GM2A: variants seen among roughly 807,000 people sequenced by gnomAD.
The protein encoded by GM2A is ganglioside GM2 activator.
In GM2A, 7 loss-of-function variants were observed where a neutral mutation model predicts 12.9. The ratio of observed to expected loss-of-function variants is 0.54; its 90% confidence interval spans 0.31 to 1.02. The LOEUF is 1.02. Ranked by LOEUF, GM2A falls within the 50% of genes least tolerant of loss-of-function variation. The pLI is 0.05. For synonymous variants in GM2A, 101 were observed against 96.0 expected, an observed-to-expected ratio of 1.05 and a Z score of -0.30; for missense variants, 246 against 241.0, an observed-to-expected ratio of 1.02 and a Z score of -0.14.
At position 151,268,120 on chromosome 5, in the gene GM2A, G is replaced by C. The variant is rs140405440; in HGVS notation, c.*669G>C. The C allele has an allele frequency of 4.6e-5, 45 of 986,126 alleles. No individual in the cohort carries two copies. The highest frequency in any genetic ancestry group is 1.9e-4 in the South Asian group (4 of 21,448). 61.1% of individuals were successfully genotyped at this position (986,126 alleles called of 1,614,324 possible). A position where few individuals can be genotyped will look rare whatever the true frequency, so the allele number is the denominator to read the frequency against. On this transcript the variant is annotated 3_prime_UTR_variant, in exon 4 of 4. Transcript: ENST00000357164. Reference sequence around the variant, plus strand: ...GAGACTTAAATGACTGATAAGAACCGTGAGAAACATGTTGCTTCCAGGCTT... The same window carrying C: ...GAGACTTAAATGACTGATAAGAACCCTGAGAAACATGTTGCTTCCAGGCTT...
In GM2A at chr5:151,269,792, G is replaced by A. The variant is rs979489782; in HGVS notation, c.*2341G>A. 5 of 186,444 alleles carry A rather than the reference G, an allele frequency of 2.7e-5. No homozygotes were observed. The highest frequency in any genetic ancestry group is 7.1e-5 in the African/African-American group (3 of 42,340). The allele number at this position is 186,444 out of a possible 1,614,324, so 11.5% of individuals were successfully genotyped here. ...AAATATCCCTAAGGAAAAATCCACCGTGGTACATTCAGTCCTCTCACCGAG... is the reference window on the plus strand; with the variant it reads ...AAATATCCCTAAGGAAAAATCCACCATGGTACATTCAGTCCTCTCACCGAG... On this transcript the variant is annotated 3_prime_UTR_variant, in exon 4 of 4. Transcript: ENST00000357164.
chr5:151,265,595 A>G (rs1422819390), intron 2 of GM2A, among the ~76,000 whole-genome samples: 1 of 152,224 alleles, frequency 6.6e-6, no homozygotes, highest in Non-Finnish European at 1.5e-5. Flanking sequence ...GGTGATGGAC[A>G]TGGTTCTAAA....
In GM2A at chr5:151,267,686, G is replaced by C; in HGVS notation, c.*235G>C. 2 of 1,459,792 alleles carry C rather than the reference G, an allele frequency of 1.4e-6. No homozygotes were observed. Among genetic ancestry groups the C allele is most frequent in the Non-Finnish European group, 1.8e-6 (2 of 1,099,312 alleles). 90.4% of individuals were successfully genotyped at this position (1,459,792 alleles called of 1,614,324 possible). On this transcript the variant is annotated 3_prime_UTR_variant, in exon 4 of 4. Transcript: ENST00000357164. ...TCTTGATAGCCCAGGGCATCTGCTGGGCTGACCACGTTACTCATCCCCGTT... is the reference window on the plus strand; with the variant it reads ...TCTTGATAGCCCAGGGCATCTGCTGCGCTGACCACGTTACTCATCCCCGTT...
rs1048719 is a variant in GM2A at position 151,253,271 on chromosome 5, G to A, written c.55G>A (p.Ala19Thr). 0.04 allele frequency: 64,833 copies of A among 1,613,552 alleles called. 2,409 individuals carry two copies. Among genetic ancestry groups the A allele is most frequent in the East Asian group, 0.2 (8,795 of 44,852 alleles). ...LLIALGLLLA[A>T]PAQAHLKKPS... The stretch of plus-strand genomic sequence containing the variant: ...GATCGCCCTGGGCTTGCTTCTCGCG[G>A]CCCCTGCGCAAGCCCACCTGAAAAA... Residue 19 changes from alanine to threonine, a missense_variant, in exon 1 of 4, where the codon GCC (alanine) becomes ACC (threonine). Transcript: ENST00000357164.
intron 2 of GM2A, 27 bp downstream of exon 2, chr5:151,259,943 G>C (rs1192780851): frequency 6.3e-7 from 1 of 1,600,000 alleles, no homozygotes; most frequent in African/African-American, 1.3e-5. Flanking sequence ...GTGGAGAAGG[G>C]GAGGTGCGAG....
rs74876147 is a variant in GM2A at position 151,258,185 on chromosome 5, A to T, written c.82-1570A>T. Among the ~76,000 whole-genome samples, 1,121 of 152,362 alleles carry T rather than the reference A, an allele frequency of 7.4e-3. 6 individuals carry two copies. The highest frequency in any genetic ancestry group is 0.013 in the Non-Finnish European group (881 of 68,030). Reference sequence around the variant, plus strand: ...TTCCTAAAAGCTCAGGTAAAGGGGAAGTTTATTACAGAGCTGCAAGACATC... The same window carrying T: ...TTCCTAAAAGCTCAGGTAAAGGGGATGTTTATTACAGAGCTGCAAGACATC... On this transcript the variant is annotated intron_variant, in intron 1 of 3. Transcript: ENST00000357164.
intron 2 of GM2A, among the ~76,000 whole-genome samples, chr5:151,265,086 G>A (rs1175267730): frequency 6.6e-6 from 1 of 152,148 alleles, no homozygotes; most frequent in Non-Finnish European, 1.5e-5. Context: ...TTCCAACCTA[G>A]GCCCTCTGAC....
Position 151,269,994 on chromosome 5 carries a change from C to G in GM2A, c.*2543C>G. ...CGTTTCCCTCTGTTGGATCTTCCAG[C>G]CTTATTCTCAACAGTTCATTTTTAG... On this transcript the variant is annotated 3_prime_UTR_variant, in exon 4 of 4. Transcript: ENST00000357164. The G allele has an allele frequency of 8.2e-7, 1 of 1,226,200 alleles. No individual in the cohort carries two copies. 76.0% of individuals were successfully genotyped at this position (1,226,200 alleles called of 1,614,324 possible).
At chr5:151,253,736 C>T (rs1481011787) in intron 1 of GM2A, among the ~76,000 whole-genome samples, 1 of 152,146 alleles carries the variant, frequency 6.6e-6, no homozygotes, top group Admixed American at 6.5e-5. Flanking sequence ...GAGAGCTTTT[C>T]CAGGCCAGAG....
intron 1 of GM2A, among the ~76,000 whole-genome samples, chr5:151,256,067 A>T (rs1753679698): frequency 6.6e-6 from 1 of 152,202 alleles, no homozygotes; most frequent in South Asian, 2.1e-4. Flanking sequence ...ACAGTGAATG[A>T]ACATCAGGAA....
rs149636307 is a variant in GM2A at position 151,259,650 on chromosome 5, C to T, written c.82-105C>T. 268 of 1,022,732 alleles carry T rather than the reference C, an allele frequency of 2.6e-4. No individual in the cohort carries two copies. In the East Asian group the frequency reaches 6.2e-3, roughly 24 times the overall value. The allele number at this position is 1,022,732 out of a possible 1,614,324, so 63.4% of individuals were successfully genotyped here. On this transcript the variant is annotated intron_variant, in intron 1 of 3. Transcript: ENST00000357164. ...ATGAGGCTCAGGGACGGGGGTGCCT[C>T]ACCCAAGGTCACTCTGCCAGGAGCT...
intron 2 of GM2A, among the ~76,000 whole-genome samples, chr5:151,263,534 C>A (rs1244553207): frequency 6.6e-6 from 1 of 152,144 alleles, no homozygotes; most frequent in African/African-American, 2.4e-5. Context: ...CAACTTGACC[C>A]AGGTCACAAA....
chr5:151,258,318 C>G (rs1188161734), intron 1 of GM2A, among the ~76,000 whole-genome samples: 1 of 152,236 alleles, frequency 6.6e-6, no homozygotes, highest in South Asian at 2.1e-4. Context: ...CATACACGCT[C>G]TCGCCCTTGC....
rs887559828 is a variant in GM2A at position 151,269,969 on chromosome 5, C to T, written c.*2518C>T. The T allele has an allele frequency of 1.9e-5, 23 of 1,217,702 alleles. No individual in the cohort carries two copies. Among genetic ancestry groups the T allele is most frequent in the Middle Eastern group, 3.2e-4 (1 of 3,166 alleles). The allele number at this position is 1,217,702 out of a possible 1,614,324, so 75.4% of individuals were successfully genotyped here. A position where few individuals can be genotyped will look rare whatever the true frequency, so the allele number is the denominator to read the frequency against. ...CTCACCTGGCAATGACCTCCACAGC[C>T]GTTTCCCTCTGTTGGATCTTCCAGC... On this transcript the variant is annotated 3_prime_UTR_variant, in exon 4 of 4. Coordinates refer to ENST00000357164, the MANE Select transcript of GM2A (RefSeq NM_000405.5).
chr5:151,254,273 A>G (rs188622804), intron 1 of GM2A, among the ~76,000 whole-genome samples: 6 of 152,330 alleles, frequency 3.9e-5, no homozygotes, highest in African/African-American at 1.4e-4. Context: ...ATATATACCC[A>G]GAAGTGGGAT....
intron 1 of GM2A, among the ~76,000 whole-genome samples, chr5:151,257,839 G>A (rs1392391196): frequency 2.0e-5 from 3 of 152,140 alleles, no homozygotes; most frequent in Admixed American, 1.3e-4. Context: ...GCAAGAGCCC[G>A]GCTTAAGTAT....
In GM2A at chr5:151,268,183, A is replaced by C. The variant is rs1322260456; in HGVS notation, c.*732A>C. Reference sequence around the variant, plus strand: ...TCGCTTTTTTTTTTTTTGAGACAGAATCTCACTTTGTCACCAGGCTGGAGT... The same window carrying C: ...TCGCTTTTTTTTTTTTTGAGACAGACTCTCACTTTGTCACCAGGCTGGAGT... On this transcript the variant is annotated 3_prime_UTR_variant, in exon 4 of 4. Coordinates refer to ENST00000357164, the MANE Select transcript of GM2A (RefSeq NM_000405.5). 77 of 928,290 alleles carry C rather than the reference A, an allele frequency of 8.3e-5. No individual in the cohort carries two copies. The highest frequency in any genetic ancestry group is 1.8e-4 in the Admixed American group (3 of 16,422). The allele number at this position is 928,290 out of a possible 1,614,324, so 57.5% of individuals were successfully genotyped here.
At chr5:151,265,034 C>T (rs1366121623) in intron 2 of GM2A, among the ~76,000 whole-genome samples, 1 of 151,580 alleles carries the variant, frequency 6.6e-6, no homozygotes, top group Non-Finnish European at 1.5e-5. Context: ...TTAAGTAACT[C>T]ACCCAAGGGC....
intron 2 of GM2A, among the ~76,000 whole-genome samples, chr5:151,260,618 AAAAT>A (rs983297403): frequency 2.0e-4 from 30 of 152,324 alleles, no homozygotes; most frequent in African/African-American, 6.0e-4. Flanking sequence ...ACTCTGTCCC[AAAAT>A]AAATAAATAA....
Sources: gnomAD v4.1 joint callset for allele counts (sites outside exome capture counted in the v4.1 genomes callset) on GRCh38, gnomAD v4.1.1 for gene constraint, MANE v1.5 for transcripts, NCBI Gene and HGNC (gene_info 2026-07-23, HGNC 2026-07-21) for gene names.